The following TIAM2 variants were observed in gnomAD, a reference collection of about 807,000 sequenced individuals.
TIAM2 encodes the protein TIAM Rac1 associated GEF 2.
TIAM2 carries 80 observed loss-of-function variants against 152.9 expected under a neutral mutation model. The ratio of observed to expected loss-of-function variants is 0.52; its 90% CI spans 0.44 to 0.63. TIAM2 has a LOEUF of 0.63. TIAM2 is among the 30% of genes least tolerant of loss of function. The pLI is 0.00. For synonymous variants in TIAM2, 804 were observed against 838.0 expected (o/e 0.96, Z 0.70); for missense variants, 1,965 against 2,120.1 (o/e 0.93, Z 1.44).
intron 2 of TIAM2, among the ~76,000 whole-genome samples, chr6:155,101,061 T>C (rs1035031637): frequency 1.3e-5 from 2 of 152,150 alleles, no homozygotes; most frequent in Non-Finnish European, 2.9e-5. Context: ...ACACCACCCC[T>C]GTTTTAGATA....
At chr6:155,131,056 GC>G (rs1779434758) in intron 4 of TIAM2, among the ~76,000 whole-genome samples, 1 of 152,176 alleles carries the variant, frequency 6.6e-6, no homozygotes. Context: ...CACTCCACAG[GC>G]CTAATCTTAA....
rs181589880 is a variant in TIAM2 at position 155,028,282 on chromosome 6, T to C, written c.-209+32790T>C. 7.7e-5 allele frequency among the ~76,000 whole-genome samples: 10 copies of C among 129,936 alleles called. 1 individual carries two copies. Among genetic ancestry groups the C allele is most frequent in the Admixed American group, 2.5e-4 (3 of 12,100 alleles). 85.2% of individuals were successfully genotyped at this position (129,936 alleles called of 152,430 possible). On this transcript the variant is annotated intron_variant, in intron 1 of 26. Transcript: ENST00000682666. The stretch of plus-strand genomic sequence containing the variant: ...TATATACTACATATAATATATGTAC[T>C]GTGTTACATATATACTACATATATG...
chr6:155,206,170 C>T (rs1781589357), intron 14 of TIAM2, among the ~76,000 whole-genome samples: 2 of 152,192 alleles, frequency 1.3e-5, no homozygotes, highest in African/African-American at 4.8e-5. Flanking sequence ...CTGTAAGGAG[C>T]TATAGGCTGT....
At chr6:155,054,515 C>T (rs1321812328) in intron 1 of TIAM2, among the ~76,000 whole-genome samples, 1 of 152,096 alleles carries the variant, frequency 6.6e-6, no homozygotes, top group African/African-American at 2.4e-5. Flanking sequence ...TTGGTAGAGG[C>T]ATGCCATGAG....
chr6:155,122,172 T>C (rs1779168221), intron 2 of TIAM2: 1 of 152,236 alleles, frequency 6.6e-6, no homozygotes, highest in South Asian at 2.1e-4. Context: ...GATGGCATAC[T>C]TAGGACATTC....
rs1779406356 is a variant in TIAM2 at position 155,130,024 on chromosome 6, C to T, written c.801C>T (p.Phe267=). 2.5e-6 allele frequency: 4 copies of T among 1,614,030 alleles called. No homozygotes were observed. Among genetic ancestry groups the T allele is most frequent in the African/African-American group, 2.7e-5 (2 of 74,932 alleles). The part of the protein sequence containing the change: ...AGELSEAEGS[F]LAPGMPDPSL... The stretch of plus-strand genomic sequence containing the variant: ...AGCTGAGCGAGGCTGAGGGCTCCTT[C>T]CTGGCCCCCGGCATGCCTGACCCCA... The change falls in exon 4 of 27, where the codon TTC becomes TTT. Residue 267 remains phenylalanine (F), a synonymous_variant. Coordinates refer to ENST00000682666, the MANE Select transcript of TIAM2 (RefSeq NM_012454.4).
chr6:155,254,122 G>C, intron 25 of TIAM2, 62 bp downstream of exon 25: 1 of 1,534,896 alleles, frequency 6.5e-7, no homozygotes, highest in Non-Finnish European at 8.9e-7. Context: ...TCTCTTAAGG[G>C]AATTTATATT....
At chr6:155,073,534 A>G (rs1002806902) in intron 1 of TIAM2, among the ~76,000 whole-genome samples, 4 of 152,180 alleles carry the variant, frequency 2.6e-5, no homozygotes, top group Non-Finnish European at 5.9e-5. Flanking sequence ...TTGTGATATT[A>G]TACAGATATT....
In TIAM2 at chr6:155,172,577, A is replaced by G. The variant is rs113386789; in HGVS notation, c.2362-4239A>G. Among the ~76,000 whole-genome samples the G allele has an allele frequency of 4.6e-3, 619 of 134,364 alleles. 6 individuals carry two copies. Among genetic ancestry groups the G allele is most frequent in the African/African-American group, 0.016 (597 of 37,410 alleles). 88.1% of individuals were successfully genotyped at this position (134,364 alleles called of 152,430 possible). A position where few individuals can be genotyped will look rare whatever the true frequency, so the allele number is the denominator to read the frequency against. ...ATTTGACCTGGATTGCCTTGCTATT[A>G]TTGTATTTTTTCTGTCTCCATTTGC... On this transcript the variant is annotated intron_variant, in intron 9 of 26. Transcript: ENST00000682666.
At chr6:155,233,083 C>T (rs1432772780) in intron 15 of TIAM2, among the ~76,000 whole-genome samples, 1 of 152,178 alleles carries the variant, frequency 6.6e-6, no homozygotes, top group Non-Finnish European at 1.5e-5. Context: ...AAGGCGGGCA[C>T]GTAGCTCAGC....
chr6:155,185,130 T>TTC (rs1354942435), intron 14 of TIAM2, among the ~76,000 whole-genome samples: 1 of 144,246 alleles, frequency 6.9e-6, no homozygotes, highest in Admixed American at 6.9e-5. Flanking sequence ...TACCTTTTTT[T>TTC]TTTTTTTTTT....
chr6:155,071,353 A>G (rs142994513), intron 1 of TIAM2, among the ~76,000 whole-genome samples: 40 of 152,350 alleles, frequency 2.6e-4, no homozygotes, highest in African/African-American at 9.4e-4. Flanking sequence ...AGAAAGCGGA[A>G]GCAGCATTTT....
chr6:155,235,556 A>G (rs1279455619), intron 15 of TIAM2, among the ~76,000 whole-genome samples: 1 of 152,230 alleles, frequency 6.6e-6, no homozygotes, highest in Non-Finnish European at 1.5e-5. Context: ...AAATGTAATC[A>G]CCCAAGTGAC....
At chr6:155,250,877 T>C in intron 21 of TIAM2, 36 bp from the exon 22 acceptor site, 1 of 1,596,624 alleles carries the variant, frequency 6.3e-7, no homozygotes, top group Non-Finnish European at 8.6e-7. Context: ...GCCTGGGATT[T>C]CCGTATCTTC....
intron 1 of TIAM2, among the ~76,000 whole-genome samples, chr6:155,059,607 C>T (rs1421893758): frequency 1.3e-5 from 2 of 152,264 alleles, no homozygotes; most frequent in East Asian, 1.9e-4. Flanking sequence ...AGAGCCACCA[C>T]ACCCAGCCTC....
rs546015853 is a variant in TIAM2, at chr6:155,032,332, C to T, written c.-209+36840C>T. Among the ~76,000 whole-genome samples, 19 of 152,268 alleles carry T rather than the reference C, an allele frequency of 1.2e-4. No homozygotes were observed. The South Asian group carries it at 1.7e-3, about 13-fold the overall frequency. On this transcript the variant is annotated intron_variant, in intron 1 of 26. Coordinates refer to ENST00000682666, the MANE Select transcript of TIAM2 (RefSeq NM_012454.4). ...AGTGTGGTTCATGGAACGCAACGCT[C>T]GGTGGACCTACATTTGGAGCATGAA...
rs528184600 is a variant in TIAM2, at chr6:155,164,681, G to A, written c.2214+81G>A. ...CCCCTTTCTTCAGCTTGTTGCCATC[G>A]GCACTTGTGGGGCTTGACCCAACAA... On this transcript the variant is annotated intron_variant, in intron 8 of 26. Transcript: ENST00000682666. The A allele has an allele frequency of 1.4e-4, 212 of 1,501,210 alleles. No individual in the cohort carries two copies. The African/African-American group carries it at 2.5e-3, about 18-fold the overall frequency. The allele number at this position is 1,501,210 out of a possible 1,614,324, so 93.0% of individuals were successfully genotyped here.
chr6:155,013,083 A>G (rs1327272820), intron 1 of TIAM2, among the ~76,000 whole-genome samples: 1 of 151,760 alleles, frequency 6.6e-6, no homozygotes, highest in African/African-American at 2.4e-5. Context: ...CCTGCTCCTC[A>G]CCTGTCCCCT....
chr6:155,017,855 T>C (rs1253569903), intron 1 of TIAM2, among the ~76,000 whole-genome samples: 1 of 152,022 alleles, frequency 6.6e-6, no homozygotes, highest in Non-Finnish European at 1.5e-5. Flanking sequence ...ACGTTTTAAG[T>C]GTTTACCCCT....
Sources: allele counts gnomAD v4.1 joint callset (sites outside exome capture counted in the v4.1 genomes callset), GRCh38; gene constraint gnomAD v4.1.1; transcripts MANE v1.5; gene names NCBI Gene and HGNC (gene_info 2026-07-23, HGNC 2026-07-21).